CXCL13: variants seen among roughly 807,000 people sequenced by gnomAD.
CXCL13 encodes the protein C-X-C motif chemokine ligand 13, also known as C-X-C motif chemokine 13.
Under a neutral mutation model 12.2 loss-of-function variants are expected in CXCL13, and 7 were observed. That is an observed-to-expected ratio of 0.57 (90% CI 0.33 to 1.07). The LOEUF is 1.07. Ranked by LOEUF, CXCL13 falls within the 50% of genes least tolerant of loss-of-function variation. The probability of loss-of-function intolerance (pLI) is 0.04; values close to 1 mark genes in which losing one functional copy is unlikely to be tolerated. For missense variants in CXCL13, 113 were observed against 127.4 expected (o/e 0.89, Z 0.55); for synonymous variants, 47 against 42.4 (o/e 1.11, Z -0.42).
rs1727135825 is a variant in CXCL13, at chr4:77,610,985, CAGA to C, written c.282_284del (p.Arg94del). The C allele has an allele frequency of 6.2e-7, 1 of 1,609,600 alleles. No individual in the cohort carries two copies. Among genetic ancestry groups the C allele is most frequent in the Non-Finnish European group, 8.5e-7 (1 of 1,178,986 alleles). ...CAATTTTGTTTTTGTTTCTGCTTCA[CAGA>C]AGAAGTTCTTCAACTCTACCAGTTC... On this transcript the variant is annotated splice_acceptor_variant and coding_sequence_variant, in exon 4 of 4. Transcript: ENST00000682537. LOFTEE classifies it high-confidence loss of function.
At chr4:77,566,108 G>T (rs1001138454) in intron 1 of CXCL13, among the ~76,000 whole-genome samples, 1 of 152,158 alleles carries the variant, frequency 6.6e-6, no homozygotes, top group Non-Finnish European at 1.5e-5. Context: ...TTCAAGTTTG[G>T]TGATGAAGGC....
In CXCL13 at chr4:77,611,618, A is replaced by AT; in HGVS notation, c.*580dup. 2.5e-6 allele frequency: 1 copy of AT among 398,814 alleles called. No homozygotes were observed. Among genetic ancestry groups the AT allele is most frequent in the Non-Finnish European group, 4.4e-6 (1 of 226,072 alleles). 24.7% of individuals were successfully genotyped at this position (398,814 alleles called of 1,614,324 possible). A position where few individuals can be genotyped will look rare whatever the true frequency, so the allele number is the denominator to read the frequency against. On this transcript the variant is annotated 3_prime_UTR_variant, in exon 4 of 4. Transcript: ENST00000682537. Reference sequence around the variant, plus strand: ...TGTCTAAGATTAATAGCATTCGAAGATCCCCAGACTTCATAGAATACTCAG... The same window carrying AT: ...TGTCTAAGATTAATAGCATTCGAAGATTCCCCAGACTTCATAGAATACTCAG...
At chr4:77,597,123 A>G (rs975778284) in intron 1 of CXCL13, among the ~76,000 whole-genome samples, 2 of 152,210 alleles carry the variant, frequency 1.3e-5, no homozygotes, top group Non-Finnish European at 2.9e-5. Context: ...AACATATAGA[A>G]GCAGAGTAGT....
intron 1 of CXCL13, among the ~76,000 whole-genome samples, chr4:77,540,079 T>A (rs1236895426): frequency 6.6e-6 from 1 of 152,204 alleles, no homozygotes; most frequent in Non-Finnish European, 1.5e-5. Flanking sequence ...ATAGACACGA[T>A]ATTTTTTATG....
intron 1 of CXCL13, among the ~76,000 whole-genome samples, chr4:77,548,786 C>T (rs944996351): frequency 8.5e-5 from 13 of 152,148 alleles, no homozygotes; most frequent in African/African-American, 2.9e-4. Flanking sequence ...TTCATTTCAA[C>T]CTTGGTGAAT....
chr4:77,605,771 A>C, upstream of CXCL13: 439 of 564,462 alleles, frequency 7.8e-4, no homozygotes, highest in Non-Finnish European at 1.3e-3. Context: ...AGGCAGTGGG[A>C]GGGCCCTTAC....
chr4:77,584,124 T>C (rs570935504), intron 1 of CXCL13, among the ~76,000 whole-genome samples: 2 of 152,190 alleles, frequency 1.3e-5, no homozygotes, highest in African/African-American at 4.8e-5. Context: ...TGCATTCAAG[T>C]GTAGGGCCAA....
intron 1 of CXCL13, among the ~76,000 whole-genome samples, chr4:77,593,175 C>A (rs1036284515): frequency 6.6e-6 from 1 of 152,086 alleles, no homozygotes; most frequent in Non-Finnish European, 1.5e-5. Flanking sequence ...CTTACAGAGG[C>A]GAGCAGAAAG....
chr4:77,535,225 C>T (rs1725031942), intron 1 of CXCL13, among the ~76,000 whole-genome samples: 1 of 152,194 alleles, frequency 6.6e-6, no homozygotes, highest in South Asian at 2.1e-4. Context: ...CTCTGTTTTG[C>T]ATTCAATATT....
At chr4:77,566,534 A>G (rs1485622122) in intron 1 of CXCL13, among the ~76,000 whole-genome samples, 1 of 152,084 alleles carries the variant, frequency 6.6e-6, no homozygotes, top group Non-Finnish European at 1.5e-5. Flanking sequence ...TTTACATAAC[A>G]TAAACTTTAC....
intron 1 of CXCL13, among the ~76,000 whole-genome samples, chr4:77,587,864 C>T (rs972401866): frequency 1.3e-5 from 2 of 152,194 alleles, no homozygotes; most frequent in Non-Finnish European, 2.9e-5. Context: ...AAGGGAATGG[C>T]GGCCATGGGG....
intron 1 of CXCL13, among the ~76,000 whole-genome samples, chr4:77,550,954 C>A (rs1258632866): frequency 6.6e-6 from 1 of 152,060 alleles, no homozygotes; most frequent in Non-Finnish European, 1.5e-5. Context: ...GTAACACTTG[C>A]CCTTTTTTGT....
At position 77,532,422 on chromosome 4, in the gene CXCL13, G is replaced by A. The variant is rs111225897; in HGVS notation, c.-43+20634G>A. ...ATTTCTGCCGAGAAATCAGCTGTTA[G>A]TCTGATGGGCTTCCCTTTGTGGGTA... is the stretch of plus-strand genomic sequence containing the variant. On this transcript the variant is annotated intron_variant, in intron 1 of 4. Transcript: ENST00000286758. Among the ~76,000 whole-genome samples, 663 of 152,332 alleles carry A rather than the reference G, an allele frequency of 4.4e-3. 7 individuals carry two copies. Among genetic ancestry groups the A allele is most frequent in the African/African-American group, 0.015 (628 of 41,568 alleles).
chr4:77,574,798 T>C (rs542134043), intron 1 of CXCL13, among the ~76,000 whole-genome samples: 1 of 151,876 alleles, frequency 6.6e-6, no homozygotes, highest in African/African-American at 2.4e-5. Context: ...GGAGCTCTAA[T>C]TAATGGACTT....
intron 1 of CXCL13, among the ~76,000 whole-genome samples, chr4:77,551,429 A>G (rs1725518578): frequency 6.6e-6 from 1 of 152,196 alleles, no homozygotes; most frequent in Non-Finnish European, 1.5e-5. Flanking sequence ...CTTTTCTTTA[A>G]GAATCCTGAA....
At chr4:77,530,890 C>T (rs1425043995) in intron 1 of CXCL13, among the ~76,000 whole-genome samples, 1 of 151,726 alleles carries the variant, frequency 6.6e-6, no homozygotes, top group Non-Finnish European at 1.5e-5. Context: ...TGGATCTTTC[C>T]TGCTTTCTCT....
intron 1 of CXCL13, among the ~76,000 whole-genome samples, chr4:77,527,964 G>C (rs1471362058): frequency 1.3e-5 from 2 of 151,772 alleles, no homozygotes; most frequent in Non-Finnish European, 2.9e-5. Flanking sequence ...GGTGTGTGAT[G>C]TTCCCCTTCC....
At chr4:77,517,764 T>A (rs1272828321) in intron 1 of CXCL13, among the ~76,000 whole-genome samples, 4 of 152,216 alleles carry the variant, frequency 2.6e-5, no homozygotes, top group Non-Finnish European at 5.9e-5. Context: ...TTTATCCAAT[T>A]TGCCAGTCTG....
intron 1 of CXCL13, among the ~76,000 whole-genome samples, chr4:77,531,829 T>C (rs1724933560): frequency 6.6e-6 from 1 of 152,198 alleles, no homozygotes; most frequent in African/African-American, 2.4e-5. Context: ...TTGATCTTTG[T>C]TGGTTTAAAG....
Sources: allele counts gnomAD v4.1 joint callset (sites outside exome capture counted in the v4.1 genomes callset), GRCh38; gene constraint gnomAD v4.1.1; transcripts MANE v1.5; gene names NCBI Gene and HGNC (gene_info 2026-07-23, HGNC 2026-07-21).